ESR1: variants seen among roughly 807,000 people sequenced by gnomAD.
ESR1 encodes the protein estrogen receptor.
A neutral mutation model predicts 52.7 loss-of-function variants in ESR1; 12 were observed. The ratio of observed to expected loss-of-function variants is 0.23; its 90% CI spans 0.15 to 0.37. The LOEUF (loss-of-function observed/expected upper bound fraction) is 0.37. ESR1 is among the 10% of genes least tolerant of loss of function. ESR1 has a pLI of 1.00. For synonymous variants in ESR1, 305 were observed against 316.8 expected, an observed-to-expected ratio of 0.96 and a Z score of 0.39; for missense variants, 584 against 779.7, an observed-to-expected ratio of 0.75 and a Z score of 2.99.
intron 1 of ESR1, among the ~76,000 whole-genome samples, chr6:151,681,846 T>C (rs1389399168): frequency 6.6e-6 from 1 of 151,910 alleles, no homozygotes; most frequent in Non-Finnish European, 1.5e-5. Flanking sequence ...TCTCAACAAG[T>C]AGCAAACAAG....
chr6:151,723,828 C>T (rs183479544), intron 2 of ESR1, among the ~76,000 whole-genome samples: 12 of 152,228 alleles, frequency 7.9e-5, no homozygotes. Flanking sequence ...CGAGATCATG[C>T]CACTGCACTC....
intron 2 of ESR1, among the ~76,000 whole-genome samples, chr6:151,742,018 G>A (rs535246747): frequency 6.6e-6 from 1 of 152,256 alleles, no homozygotes; most frequent in South Asian, 2.1e-4. Context: ...ATATATAAAT[G>A]AGATGATGCA....
intron 6 of ESR1, among the ~76,000 whole-genome samples, chr6:152,085,493 A>G (rs35494677): frequency 0.12 from 18,906 of 152,046 alleles, 1,495 homozygotes; most frequent in East Asian, 0.33. Context: ...TAAAGTCTTA[A>G]ATGGGGAGAG....
chr6:151,689,743 C>T (rs1778828624), upstream of ESR1, among the ~76,000 whole-genome samples: 1 of 152,020 alleles, frequency 6.6e-6, no homozygotes, highest in African/African-American at 2.4e-5. Context: ...GAAAGCCAGC[C>T]TTTTTTCAAG....
At chr6:151,897,994 G>T (rs964931409) in intron 3 of ESR1, among the ~76,000 whole-genome samples, 2 of 152,126 alleles carry the variant, frequency 1.3e-5, no homozygotes, top group African/African-American at 4.8e-5. Flanking sequence ...GCTGCTAATT[G>T]TTTTCTTTAA....
intron 3 of ESR1, among the ~76,000 whole-genome samples, chr6:151,885,962 T>C (rs1356386702): frequency 6.6e-6 from 1 of 152,108 alleles, no homozygotes; most frequent in African/African-American, 2.4e-5. Flanking sequence ...GCCACACAAG[T>C]GTTAGCTATT....
chr6:152,035,862 GA>G (rs552403860), intron 5 of ESR1, among the ~76,000 whole-genome samples: 1 of 150,744 alleles, frequency 6.6e-6, no homozygotes, highest in African/African-American at 2.4e-5. Context: ...TATCTACATA[GA>G]AAAAAAAACT....
At chr6:152,014,031 A>G (rs1419688837) in intron 5 of ESR1, among the ~76,000 whole-genome samples, 1 of 152,100 alleles carries the variant, frequency 6.6e-6, no homozygotes, top group African/African-American at 2.4e-5. Flanking sequence ...CTCTCATGAC[A>G]GTGAATTTCT....
chr6:152,125,354 C>G (rs1214382947), exon 7 of ESR1: 1 of 1,549,938 alleles, frequency 6.5e-7, no homozygotes, highest in Non-Finnish European at 8.7e-7. Flanking sequence ...TCTAAAGCCT[C>G]TGGTCATAAG....
At chr6:151,796,888 A>C (rs1360774818) in intron 2 of ESR1, among the ~76,000 whole-genome samples, 1 of 152,212 alleles carries the variant, frequency 6.6e-6, no homozygotes, top group Non-Finnish European at 1.5e-5. Context: ...CCATCAACCT[A>C]GCTCCGAAAG....
At chr6:151,819,595 A>G (rs1347371797) in intron 1 of ESR1, among the ~76,000 whole-genome samples, 1 of 152,230 alleles carries the variant, frequency 6.6e-6, no homozygotes, top group Non-Finnish European at 1.5e-5. Context: ...ATGATCTGTC[A>G]TTGTGTCCCA....
exon 1 of ESR1, chr6:151,690,651 A>C (rs2115339611): frequency 6.6e-6 from 1 of 152,272 alleles, no homozygotes; most frequent in South Asian, 2.1e-4. Context: ...TCTGAGTGAT[A>C]ATCTTCTCTT....
intron 1 of ESR1, among the ~76,000 whole-genome samples, chr6:151,816,491 C>T (rs1779671235): frequency 6.6e-6 from 1 of 152,126 alleles, no homozygotes; most frequent in Non-Finnish European, 1.5e-5. Context: ...TGGCACATAA[C>T]AAGTCATTAT....
intron 3 of ESR1, among the ~76,000 whole-genome samples, chr6:151,900,168 G>A (rs2128403718): frequency 6.6e-6 from 1 of 152,304 alleles, no homozygotes; most frequent in East Asian, 1.9e-4. Flanking sequence ...TTGTTGGATT[G>A]AGTTAATTTG....
chr6:152,090,868 C>T (rs917487027), intron 6 of ESR1, among the ~76,000 whole-genome samples: 3 of 152,162 alleles, frequency 2.0e-5, no homozygotes, highest in Admixed American at 2.0e-4. Context: ...CAGACTCTTC[C>T]TAAATATCCC....
intron 4 of ESR1, among the ~76,000 whole-genome samples, chr6:151,960,259 G>A (rs58065669): frequency 0.15 from 23,526 of 152,126 alleles, 2,047 homozygotes; most frequent in Admixed American, 0.22. Context: ...CTGCCTCCCC[G>A]GTGCTTAACA....
At chr6:151,915,154 C>T (rs944963575) in intron 3 of ESR1, among the ~76,000 whole-genome samples, 36 of 151,510 alleles carry the variant, frequency 2.4e-4, no homozygotes, top group Non-Finnish European at 1.0e-4. Context: ...GAGATCATGC[C>T]ATTGCACTCC....
intron 2 of ESR1, among the ~76,000 whole-genome samples, chr6:151,709,999 T>A (rs906090830): frequency 6.6e-6 from 1 of 151,796 alleles, no homozygotes; most frequent in African/African-American, 2.4e-5. Context: ...GGAATTTTTT[T>A]ATATAAAAGT....
chr6:151,951,990 G>C (rs1224900372), intron 4 of ESR1, among the ~76,000 whole-genome samples: 1 of 152,086 alleles, frequency 6.6e-6, no homozygotes, highest in Non-Finnish European at 1.5e-5. Flanking sequence ...CTGTTCCACT[G>C]TCACCAGCTT....
Sources: allele counts gnomAD v4.1 joint callset (sites outside exome capture counted in the v4.1 genomes callset), GRCh38; gene constraint gnomAD v4.1.1; transcripts MANE v1.5; gene names NCBI Gene and HGNC (gene_info 2026-07-23, HGNC 2026-07-21).